Variants in SHANK2 observed in about 807,000 individuals in gnomAD.
The protein encoded by SHANK2 is SH3 and multiple ankyrin repeat domains 2, also known as SH3 and multiple ankyrin repeat domains protein 2.
Under a neutral mutation model 133.7 loss-of-function variants are expected in SHANK2, and 43 were observed. The observed-to-expected ratio is 0.32, with a 90% CI of 0.25 to 0.41. SHANK2 has a LOEUF of 0.41. SHANK2 is among the 10% of genes least tolerant of loss of function. The pLI is 1.00. For synonymous variants in SHANK2, 1,017 were observed against 952.8 expected, an observed-to-expected ratio of 1.07 and a Z score of -1.24; for missense variants, 1,994 against 2,235.8, an observed-to-expected ratio of 0.89 and a Z score of 2.18.
chr11:71,125,026 G>A (rs1490672818), intron 3 of SHANK2, among the ~76,000 whole-genome samples: 1 of 152,126 alleles, frequency 6.6e-6, no homozygotes, highest in Non-Finnish European at 1.5e-5. Context: ...GGGGTGGCAT[G>A]AACCACACCC....
intron 1 of SHANK2, among the ~76,000 whole-genome samples, chr11:71,225,915 G>C (rs564776116): frequency 1.3e-5 from 2 of 152,280 alleles, no homozygotes; most frequent in African/African-American, 4.8e-5. Flanking sequence ...CTCAAGGTTA[G>C]AAGTTGAGAC....
At chr11:70,629,332 G>A (rs1164372551) in intron 17 of SHANK2, among the ~76,000 whole-genome samples, 1 of 152,178 alleles carries the variant, frequency 6.6e-6, no homozygotes, top group Non-Finnish European at 1.5e-5. Flanking sequence ...CGCCTCTTTC[G>A]AACTCTCTGA....
At chr11:70,505,484 A>G (rs1554968194) in intron 17 of SHANK2, among the ~76,000 whole-genome samples, 1 of 152,072 alleles carries the variant, frequency 6.6e-6, no homozygotes, top group African/African-American at 2.4e-5. Flanking sequence ...CTGCCTGGCC[A>G]CTAGATCCCC....
At chr11:70,927,445 G>A (rs1454303423) in intron 10 of SHANK2, among the ~76,000 whole-genome samples, 1 of 152,062 alleles carries the variant, frequency 6.6e-6, no homozygotes, top group Non-Finnish European at 1.5e-5. Flanking sequence ...TGTGACCAGC[G>A]AATCTAGGCC....
At chr11:70,640,064 G>A (rs782122471) in intron 17 of SHANK2, among the ~76,000 whole-genome samples, 1 of 152,236 alleles carries the variant, frequency 6.6e-6, no homozygotes, top group Non-Finnish European at 1.5e-5. Flanking sequence ...TGTCGCCAAT[G>A]GTAAGCAGGC....
At chr11:70,661,782 C>T (rs1555013473) in intron 15 of SHANK2, 104 bp from the exon 16 acceptor site, 3 of 1,613,762 alleles carry the variant, frequency 1.9e-6, no homozygotes, top group East Asian at 4.5e-5. Flanking sequence ...AATTAATCAC[C>T]CCAGCTCGCC....
chr11:71,147,990 G>A (rs1280956043), intron 2 of SHANK2, among the ~76,000 whole-genome samples: 2 of 152,186 alleles, frequency 1.3e-5, no homozygotes, highest in African/African-American at 2.4e-5. Flanking sequence ...AGGGGCAGCT[G>A]AGAGTGCAGC....
intron 2 of SHANK2, among the ~76,000 whole-genome samples, chr11:71,166,487 C>T (rs6591910): frequency 0.62 from 84,417 of 136,742 alleles, 27,443 homozygotes; most frequent in African/African-American, 0.8. Flanking sequence ...TTTTTCTTTT[C>T]TTTTTTTTTT....
intron 14 of SHANK2, among the ~76,000 whole-genome samples, chr11:70,706,387 G>A (rs993352534): frequency 7.2e-5 from 11 of 152,238 alleles, no homozygotes; most frequent in African/African-American, 2.2e-4. Context: ...CGTTGGCCAC[G>A]TCATCTCCTT....
At position 70,659,937 on chromosome 11, in the gene SHANK2, T is replaced by G. The variant is rs781867183; in HGVS notation, c.1952A>C (p.Glu651Ala). Reference sequence around the variant, plus strand: ...GAAAGCCGGTGTTGGTGTGAATTCTTCAATGGGTGTGTCAGCTGGGAAGAC... The same window carrying G: ...GAAAGCCGGTGTTGGTGTGAATTCTGCAATGGGTGTGTCAGCTGGGAAGAC... ...LRGAKADTPIEEFTPTPAFPA... is the reference protein window; with the variant it reads ...LRGAKADTPIAEFTPTPAFPA... Residue 651 changes from glutamate to alanine, a missense_variant, in exon 17 of 26, where the codon GAA becomes GCA. Transcript: ENST00000601538. 1 of 1,614,174 alleles carries G rather than the reference T, an allele frequency of 6.2e-7. No homozygotes were observed. Among genetic ancestry groups the G allele is most frequent in the South Asian group, 1.1e-5 (1 of 91,088 alleles).
At chr11:70,594,031 C>T (rs11236762) in intron 17 of SHANK2, among the ~76,000 whole-genome samples, 38,503 of 152,050 alleles carry the variant, frequency 0.25, 5,158 homozygotes, top group Admixed American at 0.36. Context: ...ACCAGATGTC[C>T]TCCAGGGCCT....
At chr11:70,645,257 A>G (rs1173583717) in intron 17 of SHANK2, among the ~76,000 whole-genome samples, 7 of 152,142 alleles carry the variant, frequency 4.6e-5, no homozygotes, top group African/African-American at 1.7e-4. Context: ...AATGCTTTGA[A>G]GAAGCACACA....
intron 15 of SHANK2, among the ~76,000 whole-genome samples, chr11:70,681,782 G>A (rs1315391517): frequency 1.3e-5 from 2 of 152,106 alleles, no homozygotes; most frequent in African/African-American, 4.8e-5. Flanking sequence ...AGGGTATCCA[G>A]GCTCCACAGA....
intron 3 of SHANK2, among the ~76,000 whole-genome samples, chr11:71,140,108 C>T (rs1555105491): frequency 6.6e-6 from 1 of 152,234 alleles, no homozygotes; most frequent in Non-Finnish European, 1.5e-5. Flanking sequence ...GACTCAGCCC[C>T]ACAAGGGATT....
intron 10 of SHANK2, chr11:70,952,959 A>G (rs35062444): frequency 1 from 197,452 of 197,600 alleles, 98,652 homozygotes; most frequent in Middle Eastern, 1. Flanking sequence ...GGAAGGCTCT[A>G]GGGGAGGGTC....
At position 71,210,237 on chromosome 11, in the gene SHANK2, TATATATATATATA is replaced by T. The variant is rs1565516700; in HGVS notation, c.-13+14447_-13+14459del. 1.0e-3 allele frequency among the ~76,000 whole-genome samples: 107 copies of T among 104,496 alleles called. 7 individuals are homozygous for T. Among genetic ancestry groups the T allele is most frequent in the African/African-American group, 4.5e-3 (90 of 20,122 alleles). 68.6% of individuals were successfully genotyped at this position (104,496 alleles called of 152,430 possible). A position where few individuals can be genotyped will look rare whatever the true frequency, so the allele number is the denominator to read the frequency against. On this transcript the variant is annotated intron_variant, in intron 2 of 25. Coordinates refer to ENST00000601538, the MANE Select transcript of SHANK2 (RefSeq NM_012309.5). Reference sequence around the variant, plus strand: ...ATATATATATATATATATATATATATATATATATATATATATTTATTTATTTTTTGAAACAGAG... The same window carrying T: ...ATATATATATATATATATATATATATTATTTATTTATTTTTTGAAACAGAG...
intron 9 of SHANK2, among the ~76,000 whole-genome samples, chr11:71,060,508 G>A (rs1003363451): frequency 6.6e-6 from 1 of 152,244 alleles, no homozygotes; most frequent in Non-Finnish European, 1.5e-5. Flanking sequence ...TCCCTGGAAC[G>A]TGTCCTCAGA....
At chr11:70,601,115 A>G (rs2060491538) in intron 17 of SHANK2, among the ~76,000 whole-genome samples, 1 of 151,922 alleles carries the variant, frequency 6.6e-6, no homozygotes, top group Non-Finnish European at 1.5e-5. Flanking sequence ...GCAGTGGTGT[A>G]ATCTCAGCTC....
chr11:71,081,289 G>C (rs1432401058), intron 8 of SHANK2, among the ~76,000 whole-genome samples: 1 of 152,230 alleles, frequency 6.6e-6, no homozygotes, highest in Non-Finnish European at 1.5e-5. Context: ...TCTATTGTTT[G>C]AGGAACTTTG....
Sources: allele counts gnomAD v4.1 joint callset (sites outside exome capture counted in the v4.1 genomes callset), GRCh38; gene constraint gnomAD v4.1.1; transcripts MANE v1.5; gene names NCBI Gene and HGNC (gene_info 2026-07-23, HGNC 2026-07-21).